Variants in QTMAN observed in about 807,000 individuals in gnomAD.
QTMAN encodes queuosine-tRNA mannosyltransferase, also known as tRNA-queuosine alpha-mannosyltransferase.
the QTMAN span, among the ~76,000 whole-genome samples, chr2:144,260,363 G>T: frequency 6.6e-6 from 1 of 152,032 alleles, no homozygotes; most frequent in Non-Finnish European, 1.5e-5. Flanking sequence ...GTATGCAGAA[G>T]AGGGAAAACA....
At chr2:144,027,369 G>A in the QTMAN span, among the ~76,000 whole-genome samples, 16 of 152,074 alleles carry the variant, frequency 1.1e-4, no homozygotes, top group African/African-American at 2.2e-4. Flanking sequence ...ATTACTCCTC[G>A]GACTCAGGTT....
At chr2:144,038,689 T>TA in the QTMAN span, among the ~76,000 whole-genome samples, 1 of 152,162 alleles carries the variant, frequency 6.6e-6, no homozygotes, top group African/African-American at 2.4e-5. Context: ...AACAAAATCT[T>TA]ATTTTTTTCC....
chr2:144,194,126 A>G, the QTMAN span, among the ~76,000 whole-genome samples: 1 of 152,190 alleles, frequency 6.6e-6, no homozygotes, highest in Non-Finnish European at 1.5e-5. Context: ...AAAAAAATTC[A>G]GAGCAAATCA....
chr2:144,291,475 T>C, the QTMAN span, among the ~76,000 whole-genome samples: 1 of 152,232 alleles, frequency 6.6e-6, no homozygotes, highest in Non-Finnish European at 1.5e-5. Flanking sequence ...ACCCAAAATG[T>C]TAGGCTTTGC....
the QTMAN span, among the ~76,000 whole-genome samples, chr2:144,201,223 G>A: frequency 2.6e-5 from 4 of 152,106 alleles, no homozygotes; most frequent in Non-Finnish European, 4.4e-5. Flanking sequence ...CTGAAATGAC[G>A]AAACTTTAGC....
chr2:144,068,927 T>A, the QTMAN span, among the ~76,000 whole-genome samples: 8 of 152,194 alleles, frequency 5.3e-5, no homozygotes, highest in African/African-American at 1.9e-4. Flanking sequence ...AAGAATGGCA[T>A]ATTATCGCCC....
At chr2:144,176,226 A>G in the QTMAN span, among the ~76,000 whole-genome samples, 1 of 152,198 alleles carries the variant, frequency 6.6e-6, no homozygotes, top group Non-Finnish European at 1.5e-5. Flanking sequence ...CAATTTATAA[A>G]TTTCATCATT....
At chr2:144,125,695 GCATAA>G in the QTMAN span, among the ~76,000 whole-genome samples, 1 of 151,894 alleles carries the variant, frequency 6.6e-6, no homozygotes, top group Non-Finnish European at 1.5e-5. Context: ...GTTAAATTCA[GCATAA>G]CATATTTAGA....
chr2:144,208,546 T>A, the QTMAN span: 1 of 1,414,288 alleles, frequency 7.1e-7, no homozygotes, highest in South Asian at 1.2e-5. Context: ...AGAAGCAACA[T>A]CCTCATAACA....
At chr2:144,138,625 G>GT in the QTMAN span, among the ~76,000 whole-genome samples, 1 of 151,510 alleles carries the variant, frequency 6.6e-6, no homozygotes, top group Admixed American at 6.6e-5. Flanking sequence ...CAGAAGCAAG[G>GT]TTGTTCATCC....
At chr2:144,209,544 T>C in the QTMAN span, among the ~76,000 whole-genome samples, 1 of 152,186 alleles carries the variant, frequency 6.6e-6, no homozygotes, top group African/African-American at 2.4e-5. Flanking sequence ...CAACCTTTCT[T>C]TAGACAAGCA....
chr2:143,951,915 T>C, the QTMAN span: 1 of 792,206 alleles, frequency 1.3e-6, no homozygotes, highest in Non-Finnish European at 2.2e-6. Flanking sequence ...TAAATGTTTT[T>C]TTTTAAGATT....
At chr2:144,208,427 G>A in the QTMAN span, among the ~76,000 whole-genome samples, 3 of 152,170 alleles carry the variant, frequency 2.0e-5, no homozygotes, top group Non-Finnish European at 4.4e-5. Flanking sequence ...CTGACCAGGT[G>A]TCCTTAGAGG....
the QTMAN span, among the ~76,000 whole-genome samples, chr2:144,091,777 T>C: frequency 6.6e-6 from 1 of 152,130 alleles, no homozygotes; most frequent in Non-Finnish European, 1.5e-5. Context: ...AAACTAAAAC[T>C]GACTCAAATG....
chr2:144,239,106 T>G, the QTMAN span, among the ~76,000 whole-genome samples: 5 of 151,678 alleles, frequency 3.3e-5, no homozygotes, highest in African/African-American at 7.3e-5. Flanking sequence ...AATATTCTAT[T>G]TCTTGAGGGC....
At chr2:144,007,477 C>T in the QTMAN span, 8 of 1,611,488 alleles carry the variant, frequency 5.0e-6, no homozygotes, top group Non-Finnish European at 6.8e-6. Context: ...ACCGCACCGC[C>T]ATTTCCTTTA....
chr2:144,171,890 AT>A, the QTMAN span, among the ~76,000 whole-genome samples: 1 of 152,186 alleles, frequency 6.6e-6, no homozygotes, highest in African/African-American at 2.4e-5. Flanking sequence ...CTTCAAAAAA[AT>A]ATCTTCACTG....
At chr2:143,984,717 G>A in the QTMAN span, among the ~76,000 whole-genome samples, 1 of 152,186 alleles carries the variant, frequency 6.6e-6, no homozygotes, top group Non-Finnish European at 1.5e-5. Context: ...ACAGAAGGGA[G>A]AAGTGTCTGA....
chr2:144,191,947 T>C, the QTMAN span, among the ~76,000 whole-genome samples: 3 of 152,264 alleles, frequency 2.0e-5, no homozygotes, highest in East Asian at 5.8e-4. Flanking sequence ...TGTTTTGCAA[T>C]GACAAACGTA....
Sources: allele counts gnomAD v4.1 joint callset (sites outside exome capture counted in the v4.1 genomes callset), GRCh38; gene constraint gnomAD v4.1.1; transcripts MANE v1.5; gene names NCBI Gene and HGNC (gene_info 2026-07-23, HGNC 2026-07-21).